CLYBL: variants seen among roughly 807,000 people sequenced by gnomAD.
CLYBL encodes the protein citramalyl-CoA lyase, mitochondrial.
A neutral mutation model predicts 38.9 loss-of-function variants in CLYBL; 31 were observed. The ratio of observed to expected loss-of-function variants is 0.80; its 90% confidence interval spans 0.60 to 1.08. The LOEUF is 1.08. Ranked by LOEUF, CLYBL falls within the 50% of genes least tolerant of loss-of-function variation. The pLI, the probability that CLYBL is intolerant of heterozygous loss-of-function variation, is 0.00. For synonymous variants in CLYBL, 171 were observed against 158.6 expected (o/e 1.08, Z -0.59); for missense variants, 434 against 411.6 (o/e 1.05, Z -0.47).
rs181024839 is a variant in CLYBL at position 99,837,539 on chromosome 13, C to T, written c.250-21322C>T. Among the ~76,000 whole-genome samples the T allele has an allele frequency of 5.5e-4, 84 of 152,284 alleles. 1 individual carries two copies. The highest frequency in any genetic ancestry group is 1.9e-3 in the African/African-American group (81 of 41,540). On this transcript the variant is annotated intron_variant, in intron 2 of 8. Coordinates refer to ENST00000339105, the MANE Select transcript of CLYBL (RefSeq NM_206808.5). ...TATCATGATTTCAAGTTGCTTTAGC[C>T]ACAATATTTGCCAGTAGTGTTGCAA...
At chr13:99,864,936 T>C (rs748218823) in intron 5 of CLYBL, 25 bp downstream of exon 5, 4 of 1,494,672 alleles carry the variant, frequency 2.7e-6, no homozygotes, top group Non-Finnish European at 3.7e-6. Context: ...TCTCTCTCTC[T>C]TTTTCTGTGT....
intron 2 of CLYBL, among the ~76,000 whole-genome samples, chr13:99,828,984 G>A (rs2050751701): frequency 6.6e-6 from 1 of 152,162 alleles, no homozygotes; most frequent in African/African-American, 2.4e-5. Context: ...TGAACCCACG[G>A]GATGTACTCT....
At chr13:99,802,399 C>T (rs991643897) in intron 2 of CLYBL, among the ~76,000 whole-genome samples, 1 of 152,114 alleles carries the variant, frequency 6.6e-6, no homozygotes, top group African/African-American at 2.4e-5. Flanking sequence ...TTAAATTTCA[C>T]TCAAACTTTA....
At chr13:99,785,661 A>G (rs1465018540) in intron 2 of CLYBL, among the ~76,000 whole-genome samples, 4 of 151,742 alleles carry the variant, frequency 2.6e-5, no homozygotes, top group African/African-American at 9.7e-5. Context: ...CAGTGGCACA[A>G]TCTCTGCTCA....
rs71121003 is a variant in CLYBL at position 99,754,087 on chromosome 13, C to CAAAAAAA, written c.63-18715_63-18709dup. On this transcript the variant is annotated intron_variant, in intron 1 of 8. Coordinates refer to ENST00000339105, the MANE Select transcript of CLYBL (RefSeq NM_206808.5). Reference sequence around the variant, plus strand: ...GGGCGACAAGAGCGAAACTCGGTCTCAAAAAAAAAAAAAAAAAAAAAAAAA... The same window carrying CAAAAAAA: ...GGGCGACAAGAGCGAAACTCGGTCTCAAAAAAAAAAAAAAAAAAAAAAAAAAAAAAAA... 5.9e-4 allele frequency among the ~76,000 whole-genome samples: 27 copies of CAAAAAAA among 45,410 alleles called. 3 individuals are homozygous for CAAAAAAA. The highest frequency in any genetic ancestry group is 1.1e-3 in the African/African-American group (14 of 12,260). The allele number at this position is 45,410 out of a possible 152,430, so 29.8% of individuals were successfully genotyped here.
At chr13:99,659,401 T>C (rs1041657641) in intron 1 of CLYBL, among the ~76,000 whole-genome samples, 1 of 152,196 alleles carries the variant, frequency 6.6e-6, no homozygotes, top group African/African-American at 2.4e-5. Flanking sequence ...CTGTGTTTAA[T>C]AGCAAATTGC....
At chr13:99,794,581 TTTATTA>T (rs1221444900) in intron 2 of CLYBL, among the ~76,000 whole-genome samples, 4 of 143,842 alleles carry the variant, frequency 2.8e-5, no homozygotes, top group African/African-American at 5.2e-5. Context: ...TATATTTTCA[TTTATTA>T]TTATTATTAT....
chr13:99,664,150 G>C (rs1343067855), intron 1 of CLYBL, among the ~76,000 whole-genome samples: 1 of 152,256 alleles, frequency 6.6e-6, no homozygotes, highest in Non-Finnish European at 1.5e-5. Flanking sequence ...AGTGGTCATA[G>C]ATGTGGAGCT....
chr13:99,665,933 T>C (rs1288210360), intron 1 of CLYBL, among the ~76,000 whole-genome samples: 4 of 152,212 alleles, frequency 2.6e-5, no homozygotes, highest in African/African-American at 9.7e-5. Context: ...TTAACGACCC[T>C]ACTGTTTTTT....
intron 1 of CLYBL, among the ~76,000 whole-genome samples, chr13:99,670,452 T>TAACTTGTTTATGTTTCCTGAAACAA (rs1270891050): frequency 1.2e-4 from 18 of 151,832 alleles, no homozygotes; most frequent in Non-Finnish European, 1.8e-4. Context: ...TCCTGAAACA[T>TAACTTGTTTATGTTTCCTGAAACAA]AACTTGTTTA....
At chr13:99,689,956 T>C (rs1365160255) in intron 1 of CLYBL, 1 of 152,226 alleles carries the variant, frequency 6.6e-6, no homozygotes, top group East Asian at 1.9e-4. Flanking sequence ...GACTGTGTTA[T>C]TAATTAGCTC....
chr13:99,649,036 G>C (rs1276858079), intron 1 of CLYBL, among the ~76,000 whole-genome samples: 1 of 151,128 alleles, frequency 6.6e-6, no homozygotes, highest in Non-Finnish European at 1.5e-5. Flanking sequence ...TTTCAATTGA[G>C]TGAAAAAAAG....
chr13:99,876,211 G>A (rs1336586460), intron 7 of CLYBL, among the ~76,000 whole-genome samples: 1 of 150,968 alleles, frequency 6.6e-6, no homozygotes, highest in Non-Finnish European at 1.5e-5. Flanking sequence ...CACAAGGTCA[G>A]GAGTTTGAGA....
intron 1 of CLYBL, among the ~76,000 whole-genome samples, chr13:99,760,850 G>A (rs1006880724): frequency 1.3e-5 from 2 of 152,110 alleles, no homozygotes; most frequent in Non-Finnish European, 1.5e-5. Flanking sequence ...TTAAATATTT[G>A]TCTATTCTTT....
At chr13:99,675,092 G>A (rs1452722388) in intron 1 of CLYBL, among the ~76,000 whole-genome samples, 1 of 152,112 alleles carries the variant, frequency 6.6e-6, no homozygotes, top group African/African-American at 2.4e-5. Context: ...GCCACGTGGG[G>A]GTCATGGGTG....
intron 1 of CLYBL, among the ~76,000 whole-genome samples, chr13:99,763,965 T>G (rs1215779254): frequency 6.6e-6 from 1 of 152,174 alleles, no homozygotes; most frequent in East Asian, 1.9e-4. Context: ...CGTCATGTCC[T>G]TCTCTGGTTT....
At chr13:99,658,962 A>G (rs1028259917) in intron 1 of CLYBL, among the ~76,000 whole-genome samples, 2 of 152,108 alleles carry the variant, frequency 1.3e-5, no homozygotes, top group African/African-American at 4.8e-5. Context: ...GAATCCTACT[A>G]CCGTCTCTTC....
chr13:99,685,508 A>G (rs1296428044), intron 1 of CLYBL, among the ~76,000 whole-genome samples: 2 of 151,860 alleles, frequency 1.3e-5, no homozygotes, highest in Non-Finnish European at 1.5e-5. Flanking sequence ...ATAACCACAT[A>G]CAATGATTTT....
intron 1 of CLYBL, among the ~76,000 whole-genome samples, chr13:99,706,400 G>C (rs1458657391): frequency 6.6e-6 from 1 of 152,186 alleles, no homozygotes; most frequent in East Asian, 1.9e-4. Context: ...TGCCTGGTTT[G>C]CATCCTGAGA....
Sources: gnomAD v4.1 joint callset for allele counts (sites outside exome capture counted in the v4.1 genomes callset) on GRCh38, gnomAD v4.1.1 for gene constraint, MANE v1.5 for transcripts, NCBI Gene and HGNC (gene_info 2026-07-23, HGNC 2026-07-21) for gene names.